The following ETNK1 variants were observed in gnomAD, a reference collection of about 807,000 sequenced individuals.
ETNK1 encodes the protein putative protein product of Nbla10396.
Under a neutral mutation model 45.1 loss-of-function variants are expected in ETNK1, and 8 were observed. The observed-to-expected ratio is 0.18, with a 90% CI of 0.10 to 0.32. ETNK1 has a LOEUF of 0.32. ETNK1 is among the 10% of genes least tolerant of loss of function. The probability of loss-of-function intolerance (pLI) is 1.00; values close to 1 mark genes in which losing one functional copy is unlikely to be tolerated. For missense variants in ETNK1, 302 were observed against 430.6 expected (o/e 0.70, Z 2.64); for synonymous variants, 152 against 151.9 (o/e 1.00, Z -0.01).
chr12:22,680,890 T>TC (rs139159553), intron 6 of ETNK1, among the ~76,000 whole-genome samples: 3,284 of 52,872 alleles, frequency 0.062, 454 homozygotes, highest in African/African-American at 0.13. Flanking sequence ...GAGCTTTTCT[T>TC]CCCCCGCCCC....
chr12:22,676,342 C>G (rs1366859672), intron 6 of ETNK1, among the ~76,000 whole-genome samples: 1 of 152,102 alleles, frequency 6.6e-6, no homozygotes, highest in African/African-American at 2.4e-5. Context: ...ATGAACTCAT[C>G]GTTTTTGATG....
At position 22,671,295 on chromosome 12, in the gene ETNK1, G is replaced by T; in HGVS notation, c.724G>T (p.Glu242Ter). The change falls in exon 5 of 8, where the codon GAA (glutamate) becomes TAA (stop). Residue 242 changes from glutamate (E) to a stop codon, truncating the protein, a stop_gained. Transcript: ENST00000266517. LOFTEE classifies it high-confidence loss of function. ...AGGTGATGTACAGTTCATTGATTATGAATATTCTGGATACAACTACCTGGC... is the reference window on the plus strand; with the variant it reads ...AGGTGATGTACAGTTCATTGATTATTAATATTCTGGATACAACTACCTGGC... ...KQGDVQFIDY[E>*]YSGYNYLAYD... 1.2e-6 allele frequency: 2 copies of T among 1,610,300 alleles called. No individual in the cohort carries two copies. The highest frequency in any genetic ancestry group is 2.2e-5 in the South Asian group (2 of 90,970).
chr12:22,627,836 C>T (rs1156321770), intron 1 of ETNK1, among the ~76,000 whole-genome samples: 1 of 151,590 alleles, frequency 6.6e-6, no homozygotes, highest in East Asian at 1.9e-4. Context: ...TAATACTTAT[C>T]TGGTGATTGA....
chr12:22,679,505 A>G (rs1954192821), intron 6 of ETNK1, among the ~76,000 whole-genome samples: 1 of 152,088 alleles, frequency 6.6e-6, no homozygotes, highest in South Asian at 2.1e-4. Context: ...CTCCTCTGGC[A>G]ACACCCTCAC....
At chr12:22,633,875 G>A (rs1446090773) in intron 1 of ETNK1, among the ~76,000 whole-genome samples, 4 of 151,912 alleles carry the variant, frequency 2.6e-5, no homozygotes, top group Non-Finnish European at 5.9e-5. Flanking sequence ...AGGTTTTTAT[G>A]TAGATTATTT....
At chr12:22,670,540 C>G (rs1195965844) in intron 4 of ETNK1, among the ~76,000 whole-genome samples, 1 of 152,030 alleles carries the variant, frequency 6.6e-6, no homozygotes, top group Non-Finnish European at 1.5e-5. Context: ...TAATGACATG[C>G]CTATATATGT....
Position 22,661,064 on chromosome 12 carries a change from T to C in ETNK1, c.559T>C (p.Phe187Leu), listed in dbSNP as rs752911248. ...GFADEDINKR[F>L]LSDIPSSQIL... is the part of the protein sequence containing the mutation. ...TAACTCTTCTTTTAAAACTAAAAGGTTCCTAAGTGATATCCCAAGCTCTCA... is the reference window on the plus strand; with the variant it reads ...TAACTCTTCTTTTAAAACTAAAAGGCTCCTAAGTGATATCCCAAGCTCTCA... Residue 187 changes from phenylalanine to leucine, a missense_variant and splice_region_variant, in exon 4 of 8, where the codon TTC (phenylalanine) becomes CTC (leucine). This residue lies in a region of ETNK1 where 205 missense variants were observed against 259.9 expected (regional missense o/e 0.79). Coordinates refer to ENST00000266517, the MANE Select transcript of ETNK1 (RefSeq NM_018638.5). 1.2e-6 allele frequency: 2 copies of C among 1,605,050 alleles called. No homozygotes were observed.
At position 22,625,287 on chromosome 12, in the gene ETNK1, G is replaced by A; in HGVS notation, c.-144G>A. On this transcript the variant is annotated 5_prime_UTR_variant, in exon 1 of 8. Transcript: ENST00000266517. ...CAGTGCCGCCTCCAGACGTTCTCCT[G>A]CCGCTCGCCCGCCCGTCCCAGCGCC... 6.2e-7 allele frequency: 1 copy of A among 1,608,338 alleles called. No individual in the cohort carries two copies.
At chr12:22,674,457 C>T (rs543828654) in intron 6 of ETNK1, among the ~76,000 whole-genome samples, 97 of 152,274 alleles carry the variant, frequency 6.4e-4, no homozygotes, top group Non-Finnish European at 1.1e-3. Context: ...CAGAGTTACT[C>T]AGAATACATC....
chr12:22,643,414 TACAC>T (rs987072650), intron 1 of ETNK1, among the ~76,000 whole-genome samples: 4 of 152,062 alleles, frequency 2.6e-5, no homozygotes, highest in African/African-American at 9.6e-5. Context: ...CACACACACA[TACAC>T]ACAAATGTGC....
chr12:22,661,024 A>C (rs1190849802), intron 3 of ETNK1, 39 bp from the exon 4 acceptor site: 1 of 1,566,854 alleles, frequency 6.4e-7, no homozygotes, highest in Admixed American at 2.1e-5. Flanking sequence ...CTTGAAAAAA[A>C]TGTCACACAA....
In ETNK1 at chr12:22,643,856, A is replaced by G; in HGVS notation, c.250A>G (p.Thr84Ala). ...CCTGGTGAGAATTTATGGCAATAAG[A>G]CTGAGTTATTAGTCGATCGAGATGA... Reference protein sequence around the residue: ...VVLVRIYGNKTELLVDRDEEV... With the variant: ...VVLVRIYGNKAELLVDRDEEV... The change falls in exon 2 of 8, where the codon ACT (threonine) becomes GCT (alanine). Residue 84 changes from threonine (T) to alanine (A), a missense_variant. Thr to Ala is a moderately conservative substitution (Grantham distance 58). This residue lies in a region of ETNK1 where 205 missense variants were observed against 259.9 expected (regional missense o/e 0.79). Transcript: ENST00000266517. 1.2e-6 allele frequency: 2 copies of G among 1,613,516 alleles called. No homozygotes were observed. Among genetic ancestry groups the G allele is most frequent in the Non-Finnish European group, 1.7e-6 (2 of 1,179,562 alleles).
Position 22,633,816 on chromosome 12 carries a change from T to G in ETNK1, c.156+8230T>G, listed in dbSNP as rs545689145. On this transcript the variant is annotated intron_variant, in intron 1 of 7. Coordinates refer to ENST00000266517, the MANE Select transcript of ETNK1 (RefSeq NM_018638.5). ...AAAAAATTACTTTATTGTTGGTATATAGGATTATAATTAATTGCTTTATAC... is the reference window on the plus strand; with the variant it reads ...AAAAAATTACTTTATTGTTGGTATAGAGGATTATAATTAATTGCTTTATAC... 4.6e-5 allele frequency among the ~76,000 whole-genome samples: 7 copies of G among 152,270 alleles called. No individual in the cohort carries two copies. The South Asian group carries it at 1.5e-3, about 32-fold the overall frequency.
At position 22,631,126 on chromosome 12, in the gene ETNK1, T is replaced by C. The variant is rs936927346; in HGVS notation, c.156+5540T>C. On this transcript the variant is annotated intron_variant, in intron 1 of 7. Coordinates refer to ENST00000266517, the MANE Select transcript of ETNK1 (RefSeq NM_018638.5). ...TTTAAAAAGATGAGTTAGAATAAGT[T>C]ATGGTAGAGGTTACATCAGACAGAG... 3.3e-5 allele frequency among the ~76,000 whole-genome samples: 5 copies of C among 152,076 alleles called. No homozygotes were observed. In the South Asian group the frequency reaches 6.2e-4, roughly 19 times the overall value.
At position 22,643,918 on chromosome 12, in the gene ETNK1, G is replaced by T. The variant is rs560364691; in HGVS notation, c.312G>T (p.Gly104=). 1 of 1,613,468 alleles carries T rather than the reference G, an allele frequency of 6.2e-7. No homozygotes were observed. Among genetic ancestry groups the T allele is most frequent in the African/African-American group, 1.3e-5 (1 of 74,980 alleles). Residue 104 remains glycine, a synonymous_variant, in exon 2 of 8, where the codon GGG becomes GGT. Coordinates refer to ENST00000266517, the MANE Select transcript of ETNK1 (RefSeq NM_018638.5). ...GTTTTCGAGTGTTGCAGGCTCATGG[G>T]TGTGCACCACAACTCTACTGTACCT... The part of the protein sequence containing the change: ...VKSFRVLQAH[G]CAPQLYCTFN...
chr12:22,652,095 G>A (rs140008884), intron 2 of ETNK1, among the ~76,000 whole-genome samples: 80 of 152,182 alleles, frequency 5.3e-4, no homozygotes, highest in African/African-American at 1.8e-3. Flanking sequence ...TCATGTTAGT[G>A]GAATCATGTA....
At chr12:22,651,682 CTTTTTTTTTTT>C (rs35611431) in intron 2 of ETNK1, among the ~76,000 whole-genome samples, 2 of 131,050 alleles carry the variant, frequency 1.5e-5, no homozygotes. Context: ...AATTCTATCC[CTTTTTTTTTTT>C]TTTTTTTTTG....
At chr12:22,626,946 T>C (rs1295931542) in intron 1 of ETNK1, among the ~76,000 whole-genome samples, 1 of 152,178 alleles carries the variant, frequency 6.6e-6, no homozygotes, top group Non-Finnish European at 1.5e-5. Flanking sequence ...CTCTAAAATT[T>C]ATTAAGATGA....
chr12:22,645,050 A>G (rs562029130), intron 2 of ETNK1, among the ~76,000 whole-genome samples: 2 of 152,054 alleles, frequency 1.3e-5, no homozygotes, highest in South Asian at 4.1e-4. Context: ...GCCATCACAT[A>G]TATTTTCTTC....
Sources: gnomAD v4.1 joint callset for allele counts (sites outside exome capture counted in the v4.1 genomes callset) on GRCh38, gnomAD v4.1.1 for gene constraint, gnomAD v4.1.1 regional missense constraint, MANE v1.5 for transcripts, NCBI Gene and HGNC (gene_info 2026-07-23, HGNC 2026-07-21) for gene names.